CPS1: variants seen among roughly 807,000 people sequenced by gnomAD.
CPS1 encodes the protein carbamoyl-phosphate synthase [ammonia], mitochondrial.
Under a neutral mutation model 174.6 loss-of-function variants are expected in CPS1, and 109 were observed. The ratio of observed to expected loss-of-function variants is 0.62; its 90% confidence interval spans 0.53 to 0.73. The LOEUF is 0.73. CPS1 is among the 30% of genes least tolerant of loss of function. The pLI is 0.00. For missense variants in CPS1, 1,689 were observed against 1,821.9 expected (o/e 0.93, Z 1.33); for synonymous variants, 637 against 632.0 (o/e 1.01, Z -0.12).
At chr2:210,595,394 TCAGA>T in intron 12 of CPS1, 89 bp from the exon 13 acceptor site, 4 of 883,654 alleles carry the variant, frequency 4.5e-6, no homozygotes, top group South Asian at 1.3e-5. Context: ...CCACATAAAC[TCAGA>T]CAATGTGGTT....
chr2:210,498,338 T>C (rs1406234202), intron 1 of CPS1, among the ~76,000 whole-genome samples: 1 of 152,118 alleles, frequency 6.6e-6, no homozygotes, highest in Non-Finnish European at 1.5e-5. Context: ...CAGTGTTTTG[T>C]AGTAGTTCTC....
At chr2:210,668,075 CAT>C (rs1491112763) in intron 33 of CPS1, 109 bp from the exon 34 acceptor site, 4 of 445,920 alleles carry the variant, frequency 9.0e-6, no homozygotes, top group South Asian at 3.3e-5. Flanking sequence ...TTTGTGCGTG[CAT>C]GTGTGTGTGT....
intron 30 of CPS1, chr2:210,658,324 G>T (rs534833281): frequency 4.4e-5 from 17 of 387,278 alleles, no homozygotes; most frequent in Non-Finnish European, 1.5e-5. Flanking sequence ...TGTAAAACCA[G>T]GTTATATAAT....
At chr2:210,621,555 A>G (rs1699528777) in intron 21 of CPS1, among the ~76,000 whole-genome samples, 1 of 152,116 alleles carries the variant, frequency 6.6e-6, no homozygotes. Flanking sequence ...TAGTATTTTA[A>G]TAAATACCAA....
At chr2:210,516,848 A>T (rs554660331) in intron 1 of CPS1, among the ~76,000 whole-genome samples, 1 of 151,910 alleles carries the variant, frequency 6.6e-6, no homozygotes, top group African/African-American at 2.4e-5. Flanking sequence ...TATAGTTAAG[A>T]CTTCACTTTT....
intron 1 of CPS1, among the ~76,000 whole-genome samples, chr2:210,487,073 A>C (rs1350234916): frequency 6.6e-6 from 1 of 152,204 alleles, no homozygotes. Context: ...ATATACATTG[A>C]AGCATGTCTT....
At chr2:210,554,894 C>T (rs184879522), upstream of CPS1, among the ~76,000 whole-genome samples, 2 of 150,870 alleles carry the variant, frequency 1.3e-5, no homozygotes, top group Non-Finnish European at 3.0e-5. Flanking sequence ...GAGATCAAGG[C>T]GTAAACTAGT....
chr2:210,511,080 A>T (rs1176610943), intron 1 of CPS1, among the ~76,000 whole-genome samples: 4 of 152,174 alleles, frequency 2.6e-5, no homozygotes, highest in Non-Finnish European at 5.9e-5. Context: ...ACACATGCAC[A>T]CGTATGTTTA....
intron 19 of CPS1, among the ~76,000 whole-genome samples, chr2:210,608,967 T>G (rs1699019749): frequency 6.6e-6 from 1 of 151,938 alleles, no homozygotes; most frequent in Non-Finnish European, 1.5e-5. Flanking sequence ...AATTCAACTT[T>G]AGTCCATTCA....
chr2:210,547,253 A>G (rs571439455), intron 1 of CPS1, among the ~76,000 whole-genome samples: 10 of 152,276 alleles, frequency 6.6e-5, no homozygotes, highest in African/African-American at 2.4e-4. Flanking sequence ...TGTAAACATT[A>G]TTTTAAAAAG....
rs1381895457 is a variant in CPS1 at position 210,576,504 on chromosome 2, T to G, written c.381+14T>G. 8.7e-6 allele frequency: 14 copies of G among 1,613,316 alleles called. No individual in the cohort carries two copies. Among genetic ancestry groups the G allele is most frequent in the Non-Finnish European group, 1.1e-5 (13 of 1,179,392 alleles). On this transcript the variant is annotated intron_variant, in intron 3 of 37. Coordinates refer to ENST00000233072, the MANE Select transcript of CPS1 (RefSeq NM_001875.5). The stretch of plus-strand genomic sequence containing the variant: ...AATGGAATCAAGGTAGTACCAGTGG[T>G]GGCCATTTAAAAAGTCTCAATTTGA...
chr2:210,599,579 T>A lies in CPS1; in HGVS notation c.1549+18T>A, dbSNP rs765302548. 6.2e-7 allele frequency: 1 copy of A among 1,610,772 alleles called. No individual in the cohort carries two copies. The highest frequency in any genetic ancestry group is 2.2e-5 in the East Asian group (1 of 44,790). On this transcript the variant is annotated intron_variant, in intron 14 of 37. Coordinates refer to ENST00000233072, the MANE Select transcript of CPS1 (RefSeq NM_001875.5). ...GAACTGTGGTGAGTTCTTATAAGCT[T>A]AATTGCAGAGTTTTGACATATGCAC...
chr2:210,670,709 A>C (rs1029466607), intron 34 of CPS1, among the ~76,000 whole-genome samples: 3 of 152,176 alleles, frequency 2.0e-5, no homozygotes, highest in Non-Finnish European at 4.4e-5. Flanking sequence ...GTTATTATGA[A>C]GTTCCAAGAG....
At chr2:210,581,255 A>G (rs1217662438) in intron 5 of CPS1, among the ~76,000 whole-genome samples, 1 of 152,166 alleles carries the variant, frequency 6.6e-6, no homozygotes, top group African/African-American at 2.4e-5. Context: ...GTTGAATAAA[A>G]TATAGTCAGG....
chr2:210,628,435 A>G (rs938972563), intron 21 of CPS1, among the ~76,000 whole-genome samples: 3 of 152,210 alleles, frequency 2.0e-5, no homozygotes, highest in Non-Finnish European at 4.4e-5. Flanking sequence ...CTTTCTAAAA[A>G]TGGCTTACAT....
At chr2:210,565,187 T>C (rs1048280904) in intron 1 of CPS1, among the ~76,000 whole-genome samples, 1 of 152,114 alleles carries the variant, frequency 6.6e-6, no homozygotes, top group African/African-American at 2.4e-5. Flanking sequence ...CTTCTAAATA[T>C]TGTGTGTGAA....
chr2:210,575,479 A>ATG (rs1006465539), intron 2 of CPS1, among the ~76,000 whole-genome samples: 22 of 150,276 alleles, frequency 1.5e-4, no homozygotes, highest in South Asian at 6.4e-4. Context: ...AATAAGAAAT[A>ATG]TGTGTGTGTG....
chr2:210,663,333 G>T, intron 33 of CPS1, 136 bp downstream of exon 33: 1 of 828,662 alleles, frequency 1.2e-6, no homozygotes, highest in Non-Finnish European at 1.9e-6. Context: ...TATGAATTTT[G>T]AATTTAAAAA....
intron 1 of CPS1, among the ~76,000 whole-genome samples, chr2:210,483,586 T>C (rs993658349): frequency 4.6e-5 from 7 of 152,174 alleles, no homozygotes; most frequent in African/African-American, 1.4e-4. Flanking sequence ...CTTTTCTCCC[T>C]GCTGGACATC....
Sources: gnomAD v4.1 joint callset for allele counts (sites outside exome capture counted in the v4.1 genomes callset) on GRCh38, gnomAD v4.1.1 for gene constraint, MANE v1.5 for transcripts, NCBI Gene and HGNC (gene_info 2026-07-23, HGNC 2026-07-21) for gene names.